Variants in ACACB observed in about 807,000 individuals in gnomAD.
ACACB encodes acetyl-CoA carboxylase beta.
A neutral mutation model predicts 278.8 loss-of-function variants in ACACB; 209 were observed. The ratio of observed to expected loss-of-function variants is 0.75; its 90% CI spans 0.67 to 0.84. ACACB has a LOEUF of 0.84. Ranked by LOEUF, ACACB falls within the 40% of genes least tolerant of loss-of-function variation. The probability of loss-of-function intolerance (pLI) is 0.00; values close to 1 mark genes in which losing one functional copy is unlikely to be tolerated. For synonymous variants in ACACB, 1,174 were observed against 1,285.6 expected (o/e 0.91, Z 1.86); for missense variants, 2,850 against 3,269.0 (o/e 0.87, Z 3.13).
At chr12:109,189,607 G>T (rs2044791231) in intron 13 of ACACB, among the ~76,000 whole-genome samples, 1 of 152,092 alleles carries the variant, frequency 6.6e-6, no homozygotes, top group Admixed American at 6.5e-5. Flanking sequence ...CTAAAATGGG[G>T]ACCACCCCAA....
chr12:109,150,569 G>T (rs2043345434), intron 2 of ACACB, among the ~76,000 whole-genome samples: 1 of 152,226 alleles, frequency 6.6e-6, no homozygotes, highest in Non-Finnish European at 1.5e-5. Context: ...TGGATCCCAG[G>T]AAGGCAAATG....
intron 22 of ACACB, among the ~76,000 whole-genome samples, chr12:109,215,677 A>C (rs1186998357): frequency 2.6e-5 from 4 of 152,102 alleles, no homozygotes; most frequent in Non-Finnish European, 5.9e-5. Context: ...AGGCAGGAGA[A>C]TGGCGTGAAC....
At chr12:109,153,300 T>A (rs2043428545) in intron 2 of ACACB, among the ~76,000 whole-genome samples, 1 of 152,182 alleles carries the variant, frequency 6.6e-6, no homozygotes, top group Non-Finnish European at 1.5e-5. Context: ...GTTTTCATGA[T>A]TCTGATACAT....
At chr12:109,141,195 C>CCATTCATT (rs35102243) in intron 2 of ACACB, among the ~76,000 whole-genome samples, 2 of 151,762 alleles carry the variant, frequency 1.3e-5, no homozygotes, top group East Asian at 1.9e-4. Flanking sequence ...CACACCCAGC[C>CCATTCATT]CATTCATTCA....
chr12:109,181,693 G>T (rs1300646839), intron 11 of ACACB, among the ~76,000 whole-genome samples: 2 of 152,004 alleles, frequency 1.3e-5, no homozygotes, highest in African/African-American at 4.8e-5. Flanking sequence ...TTGCTAGATT[G>T]GTAGTTCTAC....
intron 18 of ACACB, 95 bp downstream of exon 18, chr12:109,199,647 C>T: frequency 7.4e-6 from 9 of 1,221,644 alleles, no homozygotes; most frequent in Non-Finnish European, 9.5e-6. Context: ...TACCTCTCCC[C>T]TTGACCACTG....
At chr12:109,193,610 C>T (rs956356322) in intron 15 of ACACB, 38 bp from the exon 16 acceptor site, 10 of 1,532,062 alleles carry the variant, frequency 6.5e-6, no homozygotes, top group South Asian at 4.5e-5. Flanking sequence ...GTTCTCAGTC[C>T]CTCCCAAGGC....
At chr12:109,123,024 A>G (rs1312217162) in intron 1 of ACACB, among the ~76,000 whole-genome samples, 1 of 151,848 alleles carries the variant, frequency 6.6e-6, no homozygotes, top group Non-Finnish European at 1.5e-5. Context: ...TACTAAAAAT[A>G]CAAAAAATTA....
Position 109,199,570 on chromosome 12 carries a change from C to T in ACACB, c.2778+18C>T, listed in dbSNP as rs765626651. 7.0e-6 allele frequency: 10 copies of T among 1,420,036 alleles called. No homozygotes were observed. The highest frequency in any genetic ancestry group is 1.9e-4 in the Middle Eastern group (1 of 5,170). 88.0% of individuals were successfully genotyped at this position (1,420,036 alleles called of 1,614,324 possible). ...AGATGGAGGTGACTGCAGAGCCGGC[C>T]GTGGGGAATCCTGAACCCTCAAACT... On this transcript the variant is annotated intron_variant, in intron 18 of 52. Transcript: ENST00000338432.
intron 2 of ACACB, among the ~76,000 whole-genome samples, chr12:109,161,010 C>G (rs2043705537): frequency 6.6e-6 from 1 of 152,154 alleles, no homozygotes; most frequent in Non-Finnish European, 1.5e-5. Flanking sequence ...GCTGAACCAT[C>G]AAGCCAGCCA....
At chr12:109,170,418 A>G (rs1476070314) in intron 4 of ACACB, among the ~76,000 whole-genome samples, 1 of 152,200 alleles carries the variant, frequency 6.6e-6, no homozygotes, top group African/African-American at 2.4e-5. Context: ...TGGCTTAAAG[A>G]GCATGAGTAT....
intron 41 of ACACB, 120 bp downstream of exon 41, chr12:109,250,224 T>C: frequency 9.3e-7 from 1 of 1,077,194 alleles, no homozygotes; most frequent in South Asian, 1.9e-5. Context: ...CCTCCTACAG[T>C]TACCACATGC....
chr12:109,113,758 A>C (rs1031999167), upstream of ACACB, among the ~76,000 whole-genome samples: 2 of 152,196 alleles, frequency 1.3e-5, no homozygotes, highest in East Asian at 1.9e-4. Flanking sequence ...TTGGCTTTTC[A>C]TCCTTGCCAA....
chr12:109,261,094 A>G (rs1334779129), intron 48 of ACACB, among the ~76,000 whole-genome samples: 2 of 152,198 alleles, frequency 1.3e-5, no homozygotes, highest in East Asian at 3.8e-4. Flanking sequence ...CCTCCTTGGC[A>G]CTTTCCTTAG....
At chr12:109,188,960 A>G (rs545400249) in intron 13 of ACACB, among the ~76,000 whole-genome samples, 18 of 152,126 alleles carry the variant, frequency 1.2e-4, no homozygotes, top group Middle Eastern at 3.4e-3. Context: ...CCTGCTGTGA[A>G]CCACCCACCA....
intron 33 of ACACB, 72 bp downstream of exon 33, chr12:109,235,719 C>T (rs1593661607): frequency 5.0e-6 from 7 of 1,405,102 alleles, no homozygotes; most frequent in African/African-American, 1.4e-5. Flanking sequence ...GGGATGGGGC[C>T]GGGTGTGGTG....
intron 45 of ACACB, among the ~76,000 whole-genome samples, chr12:109,257,781 G>A (rs2047268283): frequency 6.6e-6 from 1 of 152,110 alleles, no homozygotes; most frequent in South Asian, 2.1e-4. Flanking sequence ...ATGCTGTCCA[G>A]GCTGGTCTCA....
At position 109,140,313 on chromosome 12, in the gene ACACB, TC is replaced by T. The variant is rs1472817537; in HGVS notation, c.653+257del. Among the ~76,000 whole-genome samples, 47 of 144,378 alleles carry T rather than the reference TC, an allele frequency of 3.3e-4. 2 individuals are homozygous for T. Among genetic ancestry groups the T allele is most frequent in the Admixed American group, 7.1e-4 (10 of 14,098 alleles). 94.7% of individuals were successfully genotyped at this position (144,378 alleles called of 152,430 possible). ...TTCCTTCCTTCCTTCCTTCCTTCCT[TC>T]CTTCCTTCCTTCCTTCCTTCCTTCC... is the stretch of plus-strand genomic sequence containing the variant. On this transcript the variant is annotated intron_variant, in intron 2 of 52. Coordinates refer to ENST00000338432, the MANE Select transcript of ACACB (RefSeq NM_001093.4).
At chr12:109,164,717 ATT>A (rs36026617) in intron 2 of ACACB, among the ~76,000 whole-genome samples, 5 of 134,096 alleles carry the variant, frequency 3.7e-5, no homozygotes, top group Non-Finnish European at 3.1e-5. Flanking sequence ...GCTAATTTAA[ATT>A]TTTTTTTTTT....
Sources: allele counts gnomAD v4.1 joint callset (sites outside exome capture counted in the v4.1 genomes callset), GRCh38; gene constraint gnomAD v4.1.1; transcripts MANE v1.5; gene names NCBI Gene and HGNC (gene_info 2026-07-23, HGNC 2026-07-21).